SYNRG: variants seen among roughly 807,000 people sequenced by gnomAD.
The protein encoded by SYNRG is AP1 gamma subunit binding protein 1.
In SYNRG, 37 loss-of-function variants were observed where a neutral mutation model predicts 130.9. That is an observed-to-expected ratio of 0.28 (90% CI 0.22 to 0.37). The LOEUF (loss-of-function observed/expected upper bound fraction) is 0.37, where lower values mean the gene tolerates loss of function less well. SYNRG is among the 10% of genes least tolerant of loss of function. The pLI is 1.00. For missense variants in SYNRG, 1,338 were observed against 1,588.9 expected, an observed-to-expected ratio of 0.84 and a Z score of 2.68; for synonymous variants, 539 against 568.1, an observed-to-expected ratio of 0.95 and a Z score of 0.73.
chr17:37,591,849 A>G (rs985597651), intron 3 of SYNRG, among the ~76,000 whole-genome samples: 2 of 152,158 alleles, frequency 1.3e-5, no homozygotes, highest in East Asian at 3.8e-4. Context: ...AAACTATAAA[A>G]CTTTTAGAAA....
chr17:37,577,291 G>A (rs2060914043), intron 7 of SYNRG, 89 bp downstream of exon 7: 2 of 1,207,940 alleles, frequency 1.7e-6, no homozygotes, highest in East Asian at 2.3e-5. Flanking sequence ...AAATCAAGCA[G>A]CATTCATTTG....
rs1402433161 is a variant in SYNRG, at chr17:37,515,267, CACTT to C, written c.*3669_*3672del. 2 of 152,166 alleles carry C rather than the reference CACTT, an allele frequency of 1.3e-5. No homozygotes were observed. The highest frequency in any genetic ancestry group is 2.9e-5 in the Non-Finnish European group (2 of 68,044). The allele number at this position is 152,166 out of a possible 1,614,324, so 9.4% of individuals were successfully genotyped here. The stretch of plus-strand genomic sequence containing the variant: ...CTTTTCAGTATTGTTATTTGGTACA[CACTT>C]ACCTGAAGAAATAAGTAAGTAACTT... On this transcript the variant is annotated 3_prime_UTR_variant, in exon 22 of 22. Coordinates refer to ENST00000612223, the MANE Select transcript of SYNRG (RefSeq NM_007247.6).
chr17:37,587,625 G>C lies in SYNRG; in HGVS notation c.241-1076C>G, dbSNP rs536645741. The stretch of plus-strand genomic sequence containing the variant: ...TCCGATCTTGTTCATGTCATCTACT[G>C]ACCCTCAACTTCCTCACTCTTCAGT... On this transcript the variant is annotated intron_variant, in intron 3 of 21. Transcript: ENST00000612223. Among the ~76,000 whole-genome samples the C allele has an allele frequency of 2.6e-5, 4 of 152,242 alleles. No individual in the cohort carries two copies. The South Asian group carries it at 8.3e-4, about 32-fold the overall frequency.
chr17:37,589,621 C>T (rs980740408), intron 3 of SYNRG, among the ~76,000 whole-genome samples: 28 of 151,798 alleles, frequency 1.8e-4, no homozygotes, highest in South Asian at 4.2e-4. Flanking sequence ...TGGTGGCGGG[C>T]GCCTGTAGTC....
At position 37,555,326 on chromosome 17, in the gene SYNRG, C is replaced by T. The variant is rs529524942; in HGVS notation, c.1664-1267G>A. Among the ~76,000 whole-genome samples the T allele has an allele frequency of 2.2e-4, 33 of 152,238 alleles. No individual in the cohort carries two copies. The South Asian group carries it at 6.8e-3, about 32-fold the overall frequency. On this transcript the variant is annotated intron_variant, in intron 13 of 21. Transcript: ENST00000612223. The stretch of plus-strand genomic sequence containing the variant: ...ATTTTTAGTAGAGACGGGGTTTCAC[C>T]ACGTCACGTAGGCTGGTTTTGAACT...
At chr17:37,586,570 C>T in intron 3 of SYNRG, 21 bp from the exon 4 acceptor site, 1 of 1,612,956 alleles carries the variant, frequency 6.2e-7, no homozygotes, top group Non-Finnish European at 8.5e-7. Context: ...CAGACAAAGG[C>T]TTAAAAAACA....
intron 4 of SYNRG, among the ~76,000 whole-genome samples, chr17:37,585,826 A>AG (rs1464073083): frequency 2.6e-5 from 4 of 152,318 alleles, no homozygotes; most frequent in Non-Finnish European, 5.9e-5. Flanking sequence ...GGAATCAGGA[A>AG]GCCTGCCTTT....
intron 13 of SYNRG, among the ~76,000 whole-genome samples, chr17:37,558,582 T>C (rs1217503475): frequency 1.3e-5 from 2 of 152,242 alleles, no homozygotes; most frequent in Non-Finnish European, 2.9e-5. Flanking sequence ...ACTCTAAGTC[T>C]TACTATCGGA....
chr17:37,569,013 T>A, intron 10 of SYNRG, 89 bp from the exon 11 acceptor site: 1 of 1,446,282 alleles, frequency 6.9e-7, no homozygotes, highest in African/African-American at 1.4e-5. Context: ...AGACTGCCTT[T>A]AAAATTTCTC....
At chr17:37,600,262 T>C (rs928674814) in intron 2 of SYNRG, 101 bp downstream of exon 2, 21 of 1,093,938 alleles carry the variant, frequency 1.9e-5, no homozygotes, top group Non-Finnish European at 2.4e-5. Context: ...TTTTACTCTA[T>C]TCAGCAGCAA....
At chr17:37,577,869 T>A (rs2060976705) in intron 6 of SYNRG, among the ~76,000 whole-genome samples, 1 of 151,398 alleles carries the variant, frequency 6.6e-6, no homozygotes, top group African/African-American at 2.4e-5. Context: ...TGGCTAATTT[T>A]TTGTATTTTT....
intron 14 of SYNRG, among the ~76,000 whole-genome samples, chr17:37,546,592 A>G (rs1442352871): frequency 6.6e-6 from 1 of 152,218 alleles, no homozygotes; most frequent in Admixed American, 6.5e-5. Flanking sequence ...TAGATGTTGT[A>G]CATGAAAACG....
intron 6 of SYNRG, chr17:37,584,222 T>TG (rs1261427403): frequency 6.5e-6 from 1 of 154,880 alleles, no homozygotes; most frequent in African/African-American, 2.4e-5. Context: ...ATTATACTCA[T>TG]GATTTTCTTA....
At chr17:37,529,372 C>T (rs973238338) in intron 19 of SYNRG, among the ~76,000 whole-genome samples, 9 of 152,048 alleles carry the variant, frequency 5.9e-5, no homozygotes, top group Non-Finnish European at 1.3e-4. Flanking sequence ...GGGATTATAT[C>T]TGAGTAGGGT....
chr17:37,559,803 A>G (rs1238830084), intron 13 of SYNRG, among the ~76,000 whole-genome samples: 1 of 152,238 alleles, frequency 6.6e-6, no homozygotes, highest in African/African-American at 2.4e-5. Flanking sequence ...GTAATAAATC[A>G]GAGTAACCAT....
intron 1 of SYNRG, among the ~76,000 whole-genome samples, chr17:37,601,791 T>C (rs2063310140): frequency 6.6e-6 from 1 of 151,996 alleles, no homozygotes; most frequent in African/African-American, 2.4e-5. Context: ...CAGCCTCCTA[T>C]GTAGCTGGGA....
At chr17:37,561,280 T>C in intron 12 of SYNRG, 23 bp from the exon 13 acceptor site, 1 of 1,609,612 alleles carries the variant, frequency 6.2e-7, no homozygotes, top group Non-Finnish European at 8.5e-7. Flanking sequence ...GGACAGAAGC[T>C]CAGTTAAGGT....
chr17:37,605,882 C>T (rs918732344), intron 1 of SYNRG: 6 of 985,030 alleles, frequency 6.1e-6, no homozygotes, highest in Non-Finnish European at 7.2e-6. Flanking sequence ...TGACACTAGG[C>T]TTCACTTCTT....
chr17:37,586,244 C>T (rs2061680947), intron 4 of SYNRG, among the ~76,000 whole-genome samples, 175 bp downstream of exon 4: 1 of 152,168 alleles, frequency 6.6e-6, no homozygotes, highest in South Asian at 2.1e-4. Context: ...TCTGCCCACC[C>T]CAGCCTTCCA....
Sources: gnomAD v4.1 joint callset for allele counts (sites outside exome capture counted in the v4.1 genomes callset) on GRCh38, gnomAD v4.1.1 for gene constraint, MANE v1.5 for transcripts, NCBI Gene and HGNC (gene_info 2026-07-23, HGNC 2026-07-21) for gene names.